Variants in CNOT1 observed in about 807,000 individuals in gnomAD.
CNOT1 encodes CCR4-NOT transcription complex subunit 1, also known as CCR4-associated factor 1.
CNOT1 carries 15 observed loss-of-function variants against 273.8 expected under a neutral mutation model. That is an observed-to-expected ratio of 0.05 (90% confidence interval 0.04 to 0.08). The LOEUF (loss-of-function observed/expected upper bound fraction) is 0.08. Among genes scored for constraint, CNOT1 ranks in the 10% least tolerant of loss-of-function variants. The pLI, the probability that CNOT1 is intolerant of heterozygous loss-of-function variation, is 1.00. For missense variants in CNOT1, 1,644 were observed against 2,912.2 expected (o/e 0.56, Z 10.02); for synonymous variants, 1,022 against 1,005.5 (o/e 1.02, Z -0.31).
rs558440054 is a variant in CNOT1, at chr16:58,605,434, C to G, written c.-174-5923G>C. ...AGGAGAATCACTTGAACCCAGGAGG[C>G]GGAGGCTGAAGTGAGCTGAGATTAT... On this transcript the variant is annotated intron_variant, in intron 1 of 48. Transcript: ENST00000317147. 1.1e-4 allele frequency among the ~76,000 whole-genome samples: 16 copies of G among 151,452 alleles called. No homozygotes were observed. In the East Asian group the frequency reaches 3.1e-3, roughly 30 times the overall value.
intron 17 of CNOT1, chr16:58,559,895 C>T (rs2040771299): frequency 1.6e-6 from 1 of 631,982 alleles, no homozygotes; most frequent in African/African-American, 1.8e-5. Context: ...GCCCGTGAAG[C>T]TACAAACAAG....
chr16:58,572,561 G>A (rs1162254534), intron 16 of CNOT1, among the ~76,000 whole-genome samples: 1 of 151,962 alleles, frequency 6.6e-6, no homozygotes, highest in African/African-American at 2.4e-5. Flanking sequence ...GCTGCAGTGA[G>A]CCATAATCAT....
intron 14 of CNOT1, 67 bp from the exon 15 acceptor site, chr16:58,575,196 T>C: frequency 6.4e-7 from 1 of 1,561,280 alleles, no homozygotes. Flanking sequence ...TCCCATATTC[T>C]GTTTTTCGCT....
rs191217852 is a variant in CNOT1, at chr16:58,553,971, A to G, written c.2892-111T>C. 1.1e-3 allele frequency: 1,466 copies of G among 1,342,322 alleles called. 2 individuals carry two copies. The highest frequency in any genetic ancestry group is 1.3e-3 in the Non-Finnish European group (1,348 of 1,043,510). 83.2% of individuals were successfully genotyped at this position (1,342,322 alleles called of 1,614,324 possible). On this transcript the variant is annotated intron_variant, in intron 21 of 48. Coordinates refer to ENST00000317147, the MANE Select transcript of CNOT1 (RefSeq NM_016284.5). ...TCATTTTTTTCCATCTTACCTATGA[A>G]TAACTTATTTGAAGAAAATGTCAAA...
At chr16:58,613,160 T>C (rs1053296105) in intron 1 of CNOT1, among the ~76,000 whole-genome samples, 3 of 152,098 alleles carry the variant, frequency 2.0e-5, no homozygotes, top group Non-Finnish European at 2.9e-5. Flanking sequence ...GGATCCTAAG[T>C]AGCTGGGATT....
intron 37 of CNOT1, 33 bp downstream of exon 37, chr16:58,538,125 C>T: frequency 1.9e-6 from 3 of 1,610,346 alleles, no homozygotes; most frequent in African/African-American, 1.3e-5. Context: ...TTCCCTGAGT[C>T]CTTTTGTCCG....
chr16:58,563,552 T>TA (rs1357845705), intron 16 of CNOT1, among the ~76,000 whole-genome samples: 3 of 152,234 alleles, frequency 2.0e-5, no homozygotes, highest in African/African-American at 7.2e-5. Context: ...AGTAGAACAT[T>TA]AGTTTCCACA....
intron 38 of CNOT1, 106 bp downstream of exon 38, chr16:58,537,782 GGTT>G: frequency 7.1e-7 from 1 of 1,411,332 alleles, no homozygotes; most frequent in East Asian, 2.4e-5. Flanking sequence ...ACCCATATGT[GGTT>G]GGTAAAGCAG....
intron 38 of CNOT1, 53 bp from the exon 39 acceptor site, chr16:58,537,273 C>T (rs894014901): frequency 5.4e-5 from 83 of 1,530,124 alleles, no homozygotes; most frequent in Non-Finnish European, 6.5e-5. Flanking sequence ...TGTGATTTTA[C>T]AGACATACGC....
chr16:58,609,305 G>A (rs1308918415), intron 1 of CNOT1, among the ~76,000 whole-genome samples: 1 of 151,828 alleles, frequency 6.6e-6, no homozygotes, highest in Non-Finnish European at 1.5e-5. Context: ...CTGGGAGGCG[G>A]AGGTTGCAGT....
At chr16:58,554,937 A>AAAGAAAAAG (rs2040582833) in intron 21 of CNOT1, among the ~76,000 whole-genome samples, 1 of 145,632 alleles carries the variant, frequency 6.9e-6, no homozygotes, top group Admixed American at 6.8e-5. Context: ...CTCCATCTCA[A>AAAGAAAAAG]AAAAAAAAAA....
In CNOT1 at chr16:58,547,287, C is replaced by T; in HGVS notation, c.3649G>A (p.Val1217Met). 3 of 1,613,792 alleles carry T rather than the reference C, an allele frequency of 1.9e-6. No individual in the cohort carries two copies. Among genetic ancestry groups the T allele is most frequent in the Non-Finnish European group, 2.5e-6 (3 of 1,179,824 alleles). ...NKPILHTDLD[V>M]KSLLLEAYVK... Reference sequence around the variant, plus strand: ...TAAGCCTCTAGCAGCAATGATTTCACATCCAAGTCCTAGAATAAGAAAAAT... The same window carrying T: ...TAAGCCTCTAGCAGCAATGATTTCATATCCAAGTCCTAGAATAAGAAAAAT... Residue 1217 changes from valine to methionine, a missense_variant, in exon 27 of 49, where the codon GTG becomes ATG. By Grantham distance (21) the Val-to-Met change is conservative. Transcript: ENST00000317147. This position sits in a 1 kb window ranked among gnomAD's most constrained non-coding sequence, Gnocchi z 4.0.
In CNOT1 at chr16:58,551,626, G is replaced by A. The variant is rs2040452083; in HGVS notation, c.3164C>T (p.Thr1055Ile). 1 of 1,614,066 alleles carries A rather than the reference G, an allele frequency of 6.2e-7. No individual in the cohort carries two copies. The highest frequency in any genetic ancestry group is 1.7e-5 in the Admixed American group (1 of 60,006). The change falls in exon 23 of 49, where the codon ACC becomes ATC. Residue 1055 changes from threonine (T) to isoleucine (I), a missense_variant. Thr to Ile is a moderately conservative substitution (Grantham distance 89). This residue lies in a region of CNOT1 where 124 missense variants were observed against 289.3 expected (regional missense o/e 0.43). Coordinates refer to ENST00000317147, the MANE Select transcript of CNOT1 (RefSeq NM_016284.5). Reference sequence around the variant, plus strand: ...CTTAAAGCTGACTCCAGTTGGCCTGGTGACCGTAACCGTTTTAGCAACAGT... The same window carrying A: ...CTTAAAGCTGACTCCAGTTGGCCTGATGACCGTAACCGTTTTAGCAACAGT... ...TTTVAKTVTV[T>I]RPTGVSFKKD... is the part of the protein sequence containing the mutation.
In CNOT1 at chr16:58,532,122, C is replaced by T. The variant is rs771918808; in HGVS notation, c.6060-47G>A. ...TCAGAAGCACAGTCCAACTTAAATA[C>T]AGTGAACAGCACATGAATGTAGGCT... On this transcript the variant is annotated intron_variant, in intron 41 of 48. Transcript: ENST00000317147. The T allele has an allele frequency of 1.6e-5, 26 of 1,612,236 alleles. No individual in the cohort carries two copies. In the African/African-American group the frequency reaches 2.5e-4, roughly 16 times the overall value.
At chr16:58,560,389 A>G in intron 16 of CNOT1, 27 bp from the exon 17 acceptor site, 2 of 1,611,016 alleles carry the variant, frequency 1.2e-6, no homozygotes, top group Non-Finnish European at 1.7e-6. Flanking sequence ...AAGGTAAAAA[A>G]TATCAGTTCC....
At chr16:58,522,580 C>T (rs1056252502) in intron 47 of CNOT1, among the ~76,000 whole-genome samples, 1 of 152,078 alleles carries the variant, frequency 6.6e-6, no homozygotes, top group Non-Finnish European at 1.5e-5. Flanking sequence ...GTATCACAAT[C>T]TCTCTAATGC....
chr16:58,576,885 T>C (rs535672435), intron 13 of CNOT1, among the ~76,000 whole-genome samples: 2 of 152,332 alleles, frequency 1.3e-5, no homozygotes, highest in East Asian at 3.9e-4. Context: ...CTAGATTATG[T>C]GAACATGAGG....
chr16:58,606,769 A>C (rs991141133), intron 1 of CNOT1, among the ~76,000 whole-genome samples: 4 of 151,732 alleles, frequency 2.6e-5, no homozygotes, highest in African/African-American at 7.3e-5. Flanking sequence ...AAACCATTGC[A>C]CTCTAGCCTG....
At chr16:58,586,785 T>G in intron 6 of CNOT1, 37 bp from the exon 7 acceptor site, 1 of 1,605,008 alleles carries the variant, frequency 6.2e-7, no homozygotes, top group Non-Finnish European at 8.5e-7. Flanking sequence ...CAAGTTACTT[T>G]TGCACCACAA....
Sources: gnomAD v4.1 joint callset for allele counts (sites outside exome capture counted in the v4.1 genomes callset) on GRCh38, gnomAD v4.1.1 for gene constraint, gnomAD v4.1.1 regional missense constraint, Gnocchi (gnomAD v3.1) non-coding constraint, MANE v1.5 for transcripts, NCBI Gene and HGNC (gene_info 2026-07-23, HGNC 2026-07-21) for gene names.